RNPC3: variants seen among roughly 807,000 people sequenced by gnomAD.
The protein encoded by RNPC3 is RNA-binding region-containing protein 3.
A neutral mutation model predicts 67.5 loss-of-function variants in RNPC3; 48 were observed. The observed-to-expected ratio is 0.71, with a 90% CI of 0.56 to 0.90. The LOEUF is 0.90. Among genes scored for constraint, RNPC3 ranks in the 40% least tolerant of loss-of-function variants. RNPC3 has a pLI of 0.00. For synonymous variants in RNPC3, 239 were observed against 210.3 expected, an observed-to-expected ratio of 1.14 and a Z score of -1.18; for missense variants, 637 against 626.1, an observed-to-expected ratio of 1.02 and a Z score of -0.19.
intron 9 of RNPC3, among the ~76,000 whole-genome samples, chr1:103,544,683 T>C (rs976345532): frequency 1.3e-5 from 2 of 151,814 alleles, no homozygotes; most frequent in Admixed American, 6.6e-5. Context: ...AGCTCCTTTT[T>C]AGTGTGTTTA....
At position 103,550,973 on chromosome 1, in the gene RNPC3, T is replaced by G. The variant is rs1373942644; in HGVS notation, c.1394T>G (p.Met465Arg). 1 of 1,611,730 alleles carries G rather than the reference T, an allele frequency of 6.2e-7. No homozygotes were observed. The highest frequency in any genetic ancestry group is 1.3e-5 in the African/African-American group (1 of 74,988). Residue 465 changes from methionine (M) to arginine (R), a missense_variant, in exon 13 of 15, where the codon ATG becomes AGG. Met to Arg is a moderately conservative substitution (Grantham distance 91). Around this residue, in one of 3 missense-constraint regions of RNPC3, gnomAD observed 96 missense variants for 105.8 expected, o/e 0.91. Transcript: ENST00000423855. ...FDIRLMKEGR[M>R]KGQAFIGLPN... The stretch of plus-strand genomic sequence containing the variant: ...ATACGTTTGATGAAAGAAGGTCGTA[T>G]GAAAGGACAAGCTTTCATTGGACTT...
At chr1:103,545,666 A>C (rs187711681) in intron 10 of RNPC3, 141 of 152,672 alleles carry the variant, frequency 9.2e-4, no homozygotes, top group Non-Finnish European at 1.5e-3. Context: ...CAAAACATCT[A>C]TCTGATTTTC....
At chr1:103,550,315 T>G (rs1166650153) in intron 12 of RNPC3, among the ~76,000 whole-genome samples, 3 of 151,824 alleles carry the variant, frequency 2.0e-5, no homozygotes, top group Non-Finnish European at 2.9e-5. Context: ...TGTAAGGAAC[T>G]TAAAAAATTG....
intron 2 of RNPC3, among the ~76,000 whole-genome samples, chr1:103,532,907 A>T (rs1488148262): frequency 6.6e-6 from 1 of 152,082 alleles, no homozygotes; most frequent in East Asian, 1.9e-4. Context: ...GGAGTTGTAG[A>T]TAGAGGGTTT....
intron 2 of RNPC3, 131 bp downstream of exon 2, chr1:103,527,873 A>C: frequency 3.1e-6 from 2 of 637,564 alleles, no homozygotes; most frequent in South Asian, 4.1e-5. Flanking sequence ...AACAGACTAC[A>C]TTTGATTTGT....
intron 9 of RNPC3, among the ~76,000 whole-genome samples, 185 bp downstream of exon 9, chr1:103,543,632 G>A (rs1211462767): frequency 2.6e-5 from 4 of 151,606 alleles, no homozygotes; most frequent in African/African-American, 4.8e-5. Flanking sequence ...GATGGTAAAC[G>A]GTGAGATTGT....
At chr1:103,544,888 A>T (rs1557759909) in intron 9 of RNPC3, 53 bp from the exon 10 acceptor site, 1 of 1,236,022 alleles carries the variant, frequency 8.1e-7, no homozygotes, top group Non-Finnish European at 1.1e-6. Flanking sequence ...GGACCCAAAA[A>T]CTATTTTTAA....
chr1:103,531,275 A>AT (rs1187850676), intron 2 of RNPC3, among the ~76,000 whole-genome samples: 3 of 152,010 alleles, frequency 2.0e-5, no homozygotes, highest in Admixed American at 6.6e-5. Context: ...CTGGTTCCGT[A>AT]TTTTTGCAAT....
intron 2 of RNPC3, among the ~76,000 whole-genome samples, chr1:103,533,026 A>AT (rs1220439234): frequency 1.3e-5 from 2 of 152,052 alleles, no homozygotes; most frequent in African/African-American, 4.8e-5. Context: ...AGGACAGTAA[A>AT]TTAACAGTAT....
chr1:103,551,876 C>T, intron 14 of RNPC3, 84 bp downstream of exon 14: 2 of 670,322 alleles, frequency 3.0e-6, no homozygotes, highest in Non-Finnish European at 4.8e-6. Context: ...GGTAGTAATT[C>T]AGGTATCTCT....
intron 7 of RNPC3, among the ~76,000 whole-genome samples, chr1:103,538,435 A>T (rs146519440): frequency 6.6e-6 from 1 of 152,198 alleles, no homozygotes. Flanking sequence ...GTCAAGCCTG[A>T]TGGAGAAAAT....
chr1:103,526,127 G>T lies in RNPC3; in HGVS notation c.57G>T (p.Ser19=). ...CAAGGGGATGCACGAGCTCCTCCTC[G>T]CTTTCCCCGCCTCGGGGCGACCGAA... The part of the protein sequence containing the change: ...AISRGCTSSS[S]LSPPRGDRTL... The change falls in exon 1 of 15, where the codon TCG becomes TCT. Residue 19 remains serine (S), a synonymous_variant. Coordinates refer to ENST00000423855, the MANE Select transcript of RNPC3 (RefSeq NM_017619.4). 6.4e-7 allele frequency: 1 copy of T among 1,551,062 alleles called. No individual in the cohort carries two copies.
rs1479449902 is a variant in RNPC3 at position 103,545,036 on chromosome 1, T to A, written c.1141T>A (p.Ser381Thr). The A allele has an allele frequency of 6.5e-7, 1 of 1,534,666 alleles. No individual in the cohort carries two copies. The highest frequency in any genetic ancestry group is 1.4e-5 in the African/African-American group (1 of 73,046). Residue 381 changes from serine to threonine, a missense_variant, in exon 10 of 15, where the codon TCT becomes ACT. Around this residue, in one of 3 missense-constraint regions of RNPC3, gnomAD observed 536 missense variants for 500.3 expected, o/e 1.07. Coordinates refer to ENST00000423855, the MANE Select transcript of RNPC3 (RefSeq NM_017619.4). ...LDITEEIKED[S>T]DEMPSECISR... ...CATCACAGAGGAGATTAAAGAAGAC[T>A]CTGATGAAATGCCTTCAGAATGTAT...
In RNPC3 at chr1:103,535,401, T is replaced by C; in HGVS notation, c.515T>C (p.Ile172Thr). 6.5e-7 allele frequency: 1 copy of C among 1,535,760 alleles called. No individual in the cohort carries two copies. Among genetic ancestry groups the C allele is most frequent in the Non-Finnish European group, 8.7e-7 (1 of 1,145,808 alleles). Residue 172 changes from isoleucine to threonine, a missense_variant, in exon 5 of 15, where the codon ATT becomes ACT. Transcript: ENST00000423855. ...CCTTCCAGCACAATCCTAGCAAACA[T>C]TGTAAATGCCTTGGCAAGCGTGCCT... ...PPPSSTILANIVNALASVPKF... is the reference protein window; with the variant it reads ...PPPSSTILANTVNALASVPKF...
In RNPC3 at chr1:103,536,115, A is replaced by G; in HGVS notation, c.556-11A>G. ...TTTTATATGTGAATTTAAATGTCTT[A>G]CCACTTTAAGGTCCTTCATCTTATG... On this transcript the variant is annotated splice_polypyrimidine_tract_variant and intron_variant, in intron 5 of 14. Transcript: ENST00000423855. 1 of 1,525,576 alleles carries G rather than the reference A, an allele frequency of 6.6e-7. No homozygotes were observed. Among genetic ancestry groups the G allele is most frequent in the Non-Finnish European group, 8.8e-7 (1 of 1,136,656 alleles). 94.5% of individuals were successfully genotyped at this position (1,525,576 alleles called of 1,614,324 possible).
chr1:103,534,203 G>T (rs888674831), intron 3 of RNPC3, among the ~76,000 whole-genome samples: 1 of 151,882 alleles, frequency 6.6e-6, no homozygotes, highest in Non-Finnish European at 1.5e-5. Flanking sequence ...TTTGTTTCTG[G>T]CTGTGACTCT....
rs1650946571 is a variant in RNPC3 at position 103,534,997 on chromosome 1, T to C, written c.443+140T>C. 53 of 545,514 alleles carry C rather than the reference T, an allele frequency of 9.7e-5. No individual in the cohort carries two copies. The South Asian group carries it at 1.5e-3, about 16-fold the overall frequency. The allele number at this position is 545,514 out of a possible 1,614,324, so 33.8% of individuals were successfully genotyped here. On this transcript the variant is annotated intron_variant, in intron 4 of 14. Transcript: ENST00000423855. Reference sequence around the variant, plus strand: ...TATTGTATATTGTGTTATATACAGATATCTTATTGCAAATAAGATAATTTT... The same window carrying C: ...TATTGTATATTGTGTTATATACAGACATCTTATTGCAAATAAGATAATTTT...
rs1427280054 is a variant in RNPC3 at position 103,533,779 on chromosome 1, C to T, written c.281C>T (p.Thr94Ile). 2 of 1,533,330 alleles carry T rather than the reference C, an allele frequency of 1.3e-6. No individual in the cohort carries two copies. The highest frequency in any genetic ancestry group is 4.9e-5 in the East Asian group (2 of 40,800). The allele number at this position is 1,533,330 out of a possible 1,614,324, so 95.0% of individuals were successfully genotyped here. The stretch of plus-strand genomic sequence containing the variant: ...CATCAACTGAAACTTTTAGGTCATA[C>T]TTTAGTCGTTGAATTTGCAAAAGAG... The part of the protein sequence containing the change: ...RLHQLKLLGH[T>I]LVVEFAKEQD... Residue 94 changes from threonine to isoleucine, a missense_variant, in exon 3 of 15, where the codon ACT becomes ATT. Physicochemically the swap from Thr to Ile is moderately conservative, Grantham distance 89. Transcript: ENST00000423855.
chr1:103,553,042 G>GT lies in RNPC3; in HGVS notation c.*12+1253dup, dbSNP rs539996989. ...GAAGTAATTGGTCACAATTACTGGT[G>GT]TTTAACTGCCAAATATGGGTAAATA... On this transcript the variant is annotated intron_variant, in intron 14 of 14. Transcript: ENST00000423855. 3.6e-3 allele frequency among the ~76,000 whole-genome samples: 544 copies of GT among 152,160 alleles called. 33 individuals are homozygous for GT. In the South Asian group the frequency reaches 0.097, roughly 27 times the overall value.
Sources: allele counts gnomAD v4.1 joint callset (sites outside exome capture counted in the v4.1 genomes callset), GRCh38; gene constraint gnomAD v4.1.1; regional missense constraint gnomAD v4.1.1; transcripts MANE v1.5; gene names NCBI Gene and HGNC (gene_info 2026-07-23, HGNC 2026-07-21).